Variants in SEC22C observed in about 807,000 individuals in gnomAD.
SEC22C encodes vesicle-trafficking protein SEC22c.
A neutral mutation model predicts 34.7 loss-of-function variants in SEC22C; 29 were observed. The observed-to-expected ratio is 0.84, with a 90% confidence interval of 0.62 to 1.14. The LOEUF (loss-of-function observed/expected upper bound fraction) is 1.14, where lower values mean the gene tolerates loss of function less well. SEC22C is among the 50% of genes most tolerant of loss of function. The probability of loss-of-function intolerance (pLI) is 0.00; values close to 1 mark genes in which losing one functional copy is unlikely to be tolerated. For synonymous variants in SEC22C, 117 were observed against 132.8 expected (o/e 0.88, Z 0.82); for missense variants, 337 against 369.0 (o/e 0.91, Z 0.71).
At chr3:42,584,776 A>G (rs928136320), upstream of SEC22C, among the ~76,000 whole-genome samples, 1 of 152,202 alleles carries the variant, frequency 6.6e-6, no homozygotes, top group Admixed American at 6.5e-5. Context: ...AAAGAAGGAG[A>G]AAAACCAGGA....
chr3:42,554,105 A>T lies in SEC22C; in HGVS notation c.712-657T>A, dbSNP rs557773340. ...GTTCAATGCTTTGTTTTTTTTTTTT[A>T]AAAAAAGGACATCACTGAACATGGA... On this transcript the variant is annotated intron_variant, in intron 6 of 6. Transcript: ENST00000264454. Among the ~76,000 whole-genome samples the T allele has an allele frequency of 5.5e-4, 83 of 150,294 alleles. 1 individual carries two copies. The highest frequency in any genetic ancestry group is 3.4e-3 in the Middle Eastern group (1 of 294).
At chr3:42,561,411 C>G in intron 3 of SEC22C, 115 bp from the exon 4 acceptor site, 1 of 1,062,626 alleles carries the variant, frequency 9.4e-7, no homozygotes, top group South Asian at 1.5e-5. Flanking sequence ...CTCACTGTCG[C>G]CCACTCTGGA....
At chr3:42,600,772 C>A in intron 1 of SEC22C, 1 of 369,094 alleles carries the variant, frequency 2.7e-6, no homozygotes, top group Non-Finnish European at 4.9e-6. Context: ...GGCTGGAGGC[C>A]AGCCAGGTGA....
chr3:42,564,152 C>A, intron 2 of SEC22C: 1 of 322,712 alleles, frequency 3.1e-6, no homozygotes, highest in Non-Finnish European at 5.9e-6. Context: ...TGTGTCTATG[C>A]AAATAAGACT....
At chr3:42,598,730 T>C (rs1291739453) in intron 1 of SEC22C, among the ~76,000 whole-genome samples, 4 of 151,804 alleles carry the variant, frequency 2.6e-5, no homozygotes, top group Non-Finnish European at 4.4e-5. Flanking sequence ...GCCAGGAACT[T>C]GGGAAAAGAG....
In SEC22C at chr3:42,549,119, A is replaced by G; in HGVS notation, c.*4129T>C. On this transcript the variant is annotated 3_prime_UTR_variant, in exon 7 of 7. Coordinates refer to ENST00000264454, the MANE Select transcript of SEC22C (RefSeq NM_032970.4). The stretch of plus-strand genomic sequence containing the variant: ...CACCTTCTCTCTCAAGGGCACAGCT[A>G]CACTCTTTCTCCACCATTATTAACA... 3.0e-6 allele frequency: 3 copies of G among 994,276 alleles called. No homozygotes were observed. Among genetic ancestry groups the G allele is most frequent in the Non-Finnish European group, 3.6e-6 (3 of 834,660 alleles). The allele number at this position is 994,276 out of a possible 1,614,324, so 61.6% of individuals were successfully genotyped here. A position where few individuals can be genotyped will look rare whatever the true frequency, so the allele number is the denominator to read the frequency against.
rs531297022 is a variant in SEC22C, at chr3:42,551,659, T to C, written c.*1589A>G. On this transcript the variant is annotated 3_prime_UTR_variant, in exon 7 of 7. Coordinates refer to ENST00000264454, the MANE Select transcript of SEC22C (RefSeq NM_032970.4). ...GGCCCATATCCAAATATTTTATGTT[T>C]GGTCAAAAATAGAAAATTCTATTAT... 159 of 959,494 alleles carry C rather than the reference T, an allele frequency of 1.7e-4. No individual in the cohort carries two copies. The African/African-American group carries it at 2.7e-3, about 16-fold the overall frequency. 59.4% of individuals were successfully genotyped at this position (959,494 alleles called of 1,614,324 possible).
intron 3 of SEC22C, among the ~76,000 whole-genome samples, chr3:42,563,003 T>C (rs2125706092): frequency 6.6e-6 from 1 of 152,370 alleles, no homozygotes; most frequent in South Asian, 2.1e-4. Context: ...TCACTTTCTG[T>C]GCTTACCTCC....
chr3:42,587,986 T>C (rs1292524417), intron 1 of SEC22C, among the ~76,000 whole-genome samples: 1 of 151,304 alleles, frequency 6.6e-6, no homozygotes, highest in Admixed American at 6.6e-5. Flanking sequence ...GGCAGGAGAA[T>C]TGCTGGAACC....
chr3:42,600,937 C>CACG, intron 1 of SEC22C: 1 of 1,255,192 alleles, frequency 8.0e-7, no homozygotes, highest in Non-Finnish European at 1.1e-6. Context: ...TGCCCTCGCC[C>CACG]CCGCCCTCGC....
In SEC22C at chr3:42,550,493, T is replaced by A. The variant is rs1702195579; in HGVS notation, c.*2755A>T. The A allele has an allele frequency of 2.0e-6, 2 of 985,326 alleles. No individual in the cohort carries two copies. Among genetic ancestry groups the A allele is most frequent in the South Asian group, 9.4e-5 (2 of 21,282 alleles). The allele number at this position is 985,326 out of a possible 1,614,324, so 61.0% of individuals were successfully genotyped here. A position where few individuals can be genotyped will look rare whatever the true frequency, so the allele number is the denominator to read the frequency against. ...GAAATCACCAGAACTTCTTTCCTAT[T>A]TTCAGTCTCTTCCTTCAGTGAGCTG... On this transcript the variant is annotated 3_prime_UTR_variant, in exon 7 of 7. Transcript: ENST00000264454.
intron 2 of SEC22C, among the ~76,000 whole-genome samples, chr3:42,566,294 G>C (rs897114210): frequency 1.3e-5 from 2 of 152,106 alleles, no homozygotes; most frequent in Non-Finnish European, 2.9e-5. Flanking sequence ...CACCTAGCCT[G>C]GGGTCAGGCC....
intron 1 of SEC22C, chr3:42,590,875 C>T: frequency 6.3e-7 from 1 of 1,599,408 alleles, no homozygotes; most frequent in Non-Finnish European, 8.5e-7. Flanking sequence ...GCTTGGCGGT[C>T]GTGGTTCCGG....
At chr3:42,591,217 TGAG>T in intron 1 of SEC22C, 2 of 583,152 alleles carry the variant, frequency 3.4e-6, no homozygotes, top group Non-Finnish European at 6.1e-6. Flanking sequence ...TTTTTTTTTT[TGAG>T]ACGGAGTCCC....
intron 1 of SEC22C, among the ~76,000 whole-genome samples, chr3:42,588,998 C>G (rs185450493): frequency 6.4e-4 from 97 of 152,210 alleles, no homozygotes; most frequent in South Asian, 2.3e-3. Context: ...GGCACAGTAG[C>G]TCACACCTGT....
intron 6 of SEC22C, 22 bp from the exon 7 acceptor site, chr3:42,553,470 A>C (rs956619151): frequency 2.5e-6 from 4 of 1,608,098 alleles, no homozygotes. Flanking sequence ...CCAGAAGAGG[A>C]ATTCCAATCA....
chr3:42,557,023 C>T (rs1000727019), intron 5 of SEC22C, among the ~76,000 whole-genome samples: 3 of 152,132 alleles, frequency 2.0e-5, no homozygotes, highest in Admixed American at 6.6e-5. Context: ...CACACCCGGC[C>T]GATACCTTCT....
chr3:42,590,954 G>A (rs1412675244), intron 1 of SEC22C: 1 of 871,058 alleles, frequency 1.1e-6, no homozygotes, highest in South Asian at 1.3e-5. Context: ...TCAATCAAGA[G>A]ACTATCCAGC....
At chr3:42,594,058 A>G (rs1704953483) in intron 1 of SEC22C, among the ~76,000 whole-genome samples, 1 of 152,310 alleles carries the variant, frequency 6.6e-6, no homozygotes, top group Admixed American at 6.5e-5. Context: ...CTTTACCTGA[A>G]TGAGATGGGA....
Sources: gnomAD v4.1 joint callset for allele counts (sites outside exome capture counted in the v4.1 genomes callset) on GRCh38, gnomAD v4.1.1 for gene constraint, MANE v1.5 for transcripts, NCBI Gene and HGNC (gene_info 2026-07-23, HGNC 2026-07-21) for gene names.